PHACTR1: variants seen among roughly 807,000 people sequenced by gnomAD.
PHACTR1 encodes the protein RPEL repeat containing 1.
A neutral mutation model predicts 69.2 loss-of-function variants in PHACTR1; 16 were observed. That is an observed-to-expected ratio of 0.23 (90% CI 0.16 to 0.35). The LOEUF (loss-of-function observed/expected upper bound fraction) is 0.35, where lower values mean the gene tolerates loss of function less well. Ranked by LOEUF, PHACTR1 falls within the 10% of genes least tolerant of loss-of-function variation. The probability of loss-of-function intolerance (pLI) is 1.00; values close to 1 mark genes in which losing one functional copy is unlikely to be tolerated. For missense variants in PHACTR1, 510 were observed against 734.7 expected, an observed-to-expected ratio of 0.69 and a Z score of 3.54; for synonymous variants, 312 against 284.5, an observed-to-expected ratio of 1.10 and a Z score of -0.97.
chr6:12,979,359 G>A (rs1054274646), intron 4 of PHACTR1, among the ~76,000 whole-genome samples: 3 of 152,136 alleles, frequency 2.0e-5, no homozygotes, highest in Non-Finnish European at 4.4e-5. Context: ...GCTGCACCAG[G>A]CATTGAACAA....
chr6:12,855,596 T>C (rs1220506162), intron 4 of PHACTR1, among the ~76,000 whole-genome samples: 1 of 152,014 alleles, frequency 6.6e-6, no homozygotes. Context: ...AAATTTTGGG[T>C]TCACAGGGTC....
At chr6:12,817,222 C>G (rs891733784) in intron 4 of PHACTR1, among the ~76,000 whole-genome samples, 2 of 152,012 alleles carry the variant, frequency 1.3e-5, no homozygotes, top group African/African-American at 4.8e-5. Context: ...TCAAAGGGGA[C>G]TTTAACCAAG....
chr6:12,772,109 A>T (rs1165766666), intron 4 of PHACTR1, among the ~76,000 whole-genome samples: 1 of 152,216 alleles, frequency 6.6e-6, no homozygotes, highest in East Asian at 1.9e-4. Flanking sequence ...GTGAAAGGTG[A>T]GAACAAGTGC....
chr6:12,749,918 C>G (rs1419068943), intron 4 of PHACTR1, 128 bp downstream of exon 4: 1 of 878,046 alleles, frequency 1.1e-6, no homozygotes, highest in African/African-American at 1.7e-5. Flanking sequence ...CACTCGCGCT[C>G]TTTGTGTCTC....
chr6:12,867,166 G>A lies in PHACTR1; in HGVS notation c.250+117376G>A, dbSNP rs1053499096. Among the ~76,000 whole-genome samples, 57 of 152,132 alleles carry A rather than the reference G, an allele frequency of 3.7e-4. 1 individual carries two copies. The highest frequency in any genetic ancestry group is 2.9e-5 in the Non-Finnish European group (2 of 67,992). ...GGCTCAGTTTTGGACCTCCAGCCTG[G>A]GTATTTGTACTGGTCTCTTCAGTTC... On this transcript the variant is annotated intron_variant, in intron 4 of 14. Coordinates refer to ENST00000332995, the MANE Select transcript of PHACTR1 (RefSeq NM_030948.6).
In PHACTR1 at chr6:12,764,472, G is replaced by A. The variant is rs577615631; in HGVS notation, c.250+14682G>A. Among the ~76,000 whole-genome samples the A allele has an allele frequency of 2.6e-5, 4 of 152,250 alleles. No homozygotes were observed. The East Asian group carries it at 7.7e-4, about 29-fold the overall frequency. The stretch of plus-strand genomic sequence containing the variant: ...TGTGGTTTTTCTTGGTGACTTAAGA[G>A]AAAATAATGATGTTATTTATGTGGG... On this transcript the variant is annotated intron_variant, in intron 4 of 14. Transcript: ENST00000332995.
At chr6:12,818,968 C>A (rs1165828408) in intron 4 of PHACTR1, among the ~76,000 whole-genome samples, 2 of 152,162 alleles carry the variant, frequency 1.3e-5, no homozygotes, top group African/African-American at 4.8e-5. Context: ...GAGATATGAG[C>A]TGGAAATAAA....
intron 4 of PHACTR1, among the ~76,000 whole-genome samples, chr6:12,827,032 C>G (rs1208594146): frequency 6.6e-6 from 1 of 152,176 alleles, no homozygotes; most frequent in Admixed American, 6.5e-5. Flanking sequence ...ACCCACTTTC[C>G]CTCACTCGTT....
chr6:13,029,332 T>C (rs1208369407), intron 4 of PHACTR1, among the ~76,000 whole-genome samples: 1 of 151,140 alleles, frequency 6.6e-6, no homozygotes, highest in Non-Finnish European at 1.5e-5. Context: ...AGCAGAGGAG[T>C]GGTTTGGTGA....
intron 4 of PHACTR1, among the ~76,000 whole-genome samples, chr6:12,881,200 A>G (rs1783061781): frequency 6.6e-6 from 1 of 152,240 alleles, no homozygotes; most frequent in Non-Finnish European, 1.5e-5. Context: ...GATGTAAAAA[A>G]GGAAGGACAG....
At chr6:13,235,727 A>G (rs1266127459) in intron 10 of PHACTR1, among the ~76,000 whole-genome samples, 2 of 152,206 alleles carry the variant, frequency 1.3e-5, no homozygotes, top group East Asian at 1.9e-4. Context: ...TTTTAAAGGA[A>G]GGGACTAAGA....
At chr6:12,831,814 G>A (rs72835693) in intron 4 of PHACTR1, among the ~76,000 whole-genome samples, 3,517 of 152,208 alleles carry the variant, frequency 0.023, 77 homozygotes, top group Non-Finnish European at 0.03. Flanking sequence ...CATTAATATG[G>A]TCTTGGTCTT....
At chr6:12,950,109 T>C (rs1791116954) in intron 4 of PHACTR1, among the ~76,000 whole-genome samples, 1 of 152,240 alleles carries the variant, frequency 6.6e-6, no homozygotes, top group South Asian at 2.1e-4. Context: ...AGCCAGGATT[T>C]GGGAGGACTC....
chr6:13,043,294 G>A (rs916401953), intron 4 of PHACTR1, among the ~76,000 whole-genome samples: 2 of 152,230 alleles, frequency 1.3e-5, no homozygotes, highest in Non-Finnish European at 2.9e-5. Context: ...GGGCGTGGTG[G>A]TGTGCACCTG....
At chr6:13,286,359 G>A (rs942516144) in intron 14 of PHACTR1, 137 bp downstream of exon 14, 7 of 697,546 alleles carry the variant, frequency 1.0e-5, no homozygotes, top group Non-Finnish European at 1.4e-5. Context: ...AGGCAGGCAT[G>A]CGGTTCCACT....
At chr6:12,795,519 C>A (rs573312053) in intron 4 of PHACTR1, among the ~76,000 whole-genome samples, 3 of 152,234 alleles carry the variant, frequency 2.0e-5, no homozygotes, top group Admixed American at 6.5e-5. Context: ...TTGGGAACCA[C>A]AGGACTGTAA....
intron 6 of PHACTR1, among the ~76,000 whole-genome samples, chr6:13,173,898 G>A (rs924405083): frequency 9.2e-5 from 14 of 152,094 alleles, no homozygotes; most frequent in African/African-American, 1.4e-4. Flanking sequence ...TTGTAGAGAC[G>A]GGTTTTCACC....
chr6:13,115,540 G>T (rs1459295112), intron 5 of PHACTR1, among the ~76,000 whole-genome samples: 3 of 152,114 alleles, frequency 2.0e-5, no homozygotes, highest in African/African-American at 7.2e-5. Context: ...ATGAGGGTTT[G>T]TATGCAGATA....
intron 10 of PHACTR1, among the ~76,000 whole-genome samples, chr6:13,240,098 G>T: frequency 6.6e-6 from 1 of 150,710 alleles, no homozygotes; most frequent in Admixed American, 6.6e-5. Flanking sequence ...GTCTTACTTT[G>T]TTTTATATTT....
Sources: allele counts gnomAD v4.1 joint callset (sites outside exome capture counted in the v4.1 genomes callset), GRCh38; gene constraint gnomAD v4.1.1; transcripts MANE v1.5; gene names NCBI Gene and HGNC (gene_info 2026-07-23, HGNC 2026-07-21).